ARL15: variants seen among roughly 807,000 people sequenced by gnomAD.
ARL15 encodes ADP-ribosylation factor-like protein 15.
Under a neutral mutation model 25.2 loss-of-function variants are expected in ARL15, and 19 were observed. That is an observed-to-expected ratio of 0.75 (90% CI 0.53 to 1.10). The LOEUF (loss-of-function observed/expected upper bound fraction) is 1.10. Ranked by LOEUF, ARL15 falls within the 50% of genes least tolerant of loss-of-function variation. The probability of loss-of-function intolerance (pLI) is 0.00; values close to 1 mark genes in which losing one functional copy is unlikely to be tolerated. For missense variants in ARL15, 220 were observed against 246.0 expected, an observed-to-expected ratio of 0.89 and a Z score of 0.71; for synonymous variants, 94 against 86.8, an observed-to-expected ratio of 1.08 and a Z score of -0.46.
intron 1 of ARL15, among the ~76,000 whole-genome samples, chr5:54,235,849 A>G (rs1756790633): frequency 6.6e-6 from 1 of 152,232 alleles, no homozygotes; most frequent in South Asian, 2.1e-4. Context: ...GCATTTGACT[A>G]TACTTCTATA....
chr5:54,159,020 T>C (rs955394827), intron 2 of ARL15, among the ~76,000 whole-genome samples: 1 of 152,124 alleles, frequency 6.6e-6, no homozygotes, highest in Non-Finnish European at 1.5e-5. Context: ...ACTGGTAAAG[T>C]CAACTGACCA....
At chr5:53,923,915 G>GT (rs1171004994) in intron 4 of ARL15, among the ~76,000 whole-genome samples, 1 of 151,994 alleles carries the variant, frequency 6.6e-6, no homozygotes, top group African/African-American at 2.4e-5. Flanking sequence ...TTCAGACCAA[G>GT]TAAACACTGT....
At chr5:54,199,745 AG>A (rs1755657520) in intron 1 of ARL15, among the ~76,000 whole-genome samples, 1 of 148,094 alleles carries the variant, frequency 6.8e-6, no homozygotes, top group Non-Finnish European at 1.5e-5. Context: ...GCGATTCCTC[AG>A]GGATCTAGAA....
intron 4 of ARL15, among the ~76,000 whole-genome samples, chr5:54,007,031 C>A (rs114333187): frequency 0.017 from 2,578 of 152,164 alleles, 89 homozygotes; most frequent in African/African-American, 0.058. Flanking sequence ...ACGGAGGTTG[C>A]AAAACTCCGT....
chr5:54,117,651 A>T (rs1337035698), intron 3 of ARL15, among the ~76,000 whole-genome samples: 2 of 152,168 alleles, frequency 1.3e-5, no homozygotes, highest in Non-Finnish European at 2.9e-5. Context: ...ACCAAAGTAG[A>T]CAGTTGATTT....
At chr5:54,247,178 A>G (rs1757110911) in intron 1 of ARL15, among the ~76,000 whole-genome samples, 1 of 151,822 alleles carries the variant, frequency 6.6e-6, no homozygotes, top group African/African-American at 2.4e-5. Flanking sequence ...AAGATGAATA[A>G]TTTCCTATTA....
At chr5:53,974,827 A>G (rs1260273580) in intron 4 of ARL15, among the ~76,000 whole-genome samples, 1 of 152,188 alleles carries the variant, frequency 6.6e-6, no homozygotes, top group Non-Finnish European at 1.5e-5. Flanking sequence ...GCCCTTGATA[A>G]TCATAGGTGA....
intron 1 of ARL15, among the ~76,000 whole-genome samples, chr5:54,303,622 C>T (rs1473795605): frequency 3.2e-5 from 4 of 126,386 alleles, no homozygotes; most frequent in Non-Finnish European, 6.4e-5. Context: ...CGCACCACTG[C>T]ACTCCAGCCT....
chr5:53,969,157 CA>C (rs1276368366), intron 4 of ARL15, among the ~76,000 whole-genome samples: 1 of 151,978 alleles, frequency 6.6e-6, no homozygotes, highest in East Asian at 1.9e-4. Context: ...TCTCAAAAAA[CA>C]AACAAACAAA....
At chr5:53,936,105 T>G (rs1202104596) in intron 4 of ARL15, among the ~76,000 whole-genome samples, 1 of 152,122 alleles carries the variant, frequency 6.6e-6, no homozygotes, top group Non-Finnish European at 1.5e-5. Flanking sequence ...AATGAAATCA[T>G]TTATGAAAGA....
chr5:54,222,983 AT>A (rs35959438), intron 1 of ARL15, among the ~76,000 whole-genome samples: 17,202 of 126,944 alleles, frequency 0.14, 1,333 homozygotes, highest in East Asian at 0.38. Flanking sequence ...CTATGCCTGG[AT>A]TTTTTTTTTT....
At chr5:53,891,360 C>T (rs1335029429) in intron 4 of ARL15, among the ~76,000 whole-genome samples, 1 of 152,132 alleles carries the variant, frequency 6.6e-6, no homozygotes, top group Non-Finnish European at 1.5e-5. Flanking sequence ...ACATGGAGAG[C>T]CAGGGTGTGT....
At chr5:53,911,110 C>T (rs542764406) in intron 4 of ARL15, among the ~76,000 whole-genome samples, 29 of 152,294 alleles carry the variant, frequency 1.9e-4, no homozygotes, top group African/African-American at 6.7e-4. Flanking sequence ...AATATTCGAT[C>T]ATTCTTACTA....
intron 1 of ARL15, among the ~76,000 whole-genome samples, chr5:54,275,796 TGCCTCAGCCTCC>T (rs1482633907): frequency 6.6e-6 from 1 of 151,528 alleles, no homozygotes; most frequent in Non-Finnish European, 1.5e-5. Context: ...GCTATTCTCC[TGCCTCAGCCTCC>T]CGAGTAGCTG....
chr5:54,042,136 A>G (rs1269572991), intron 4 of ARL15, among the ~76,000 whole-genome samples: 1 of 151,932 alleles, frequency 6.6e-6, no homozygotes, highest in Non-Finnish European at 1.5e-5. Flanking sequence ...ACGCCTGGCT[A>G]ATTTTTGTGT....
intron 4 of ARL15, among the ~76,000 whole-genome samples, chr5:54,016,406 G>A (rs531849688): frequency 2.2e-4 from 33 of 152,210 alleles, no homozygotes; most frequent in Middle Eastern, 6.8e-3. Flanking sequence ...AGTTTCATGG[G>A]TGTGTCACCT....
chr5:54,077,410 T>C (rs559295212), intron 4 of ARL15, among the ~76,000 whole-genome samples: 5 of 152,280 alleles, frequency 3.3e-5, no homozygotes, highest in African/African-American at 1.2e-4. Flanking sequence ...TAGCAGTGGC[T>C]ATGAAATTTA....
At chr5:54,137,992 G>A (rs1753657540) in intron 3 of ARL15, among the ~76,000 whole-genome samples, 1 of 151,952 alleles carries the variant, frequency 6.6e-6, no homozygotes, top group Non-Finnish European at 1.5e-5. Context: ...GAAATGGTCT[G>A]GAAAATACGC....
intron 1 of ARL15, among the ~76,000 whole-genome samples, chr5:54,294,759 T>C (rs1036433261): frequency 1.3e-5 from 2 of 152,358 alleles, no homozygotes; most frequent in South Asian, 2.1e-4. Flanking sequence ...ATACTACTCA[T>C]AGTGTTAGAA....
Sources: allele counts gnomAD v4.1 joint callset (sites outside exome capture counted in the v4.1 genomes callset), GRCh38; gene constraint gnomAD v4.1.1; transcripts MANE v1.5; gene names NCBI Gene and HGNC (gene_info 2026-07-23, HGNC 2026-07-21).